ADAMTSL1: variants seen among roughly 807,000 people sequenced by gnomAD.
ADAMTSL1 encodes ADAMTS like 1, also known as ADAMTS-like protein 1.
ADAMTSL1 carries 126 observed loss-of-function variants against 201.8 expected under a neutral mutation model. The ratio of observed to expected loss-of-function variants is 0.62; its 90% CI spans 0.54 to 0.72. ADAMTSL1 has a LOEUF of 0.72. ADAMTSL1 is among the 30% of genes least tolerant of loss of function. The pLI is 0.00. For synonymous variants in ADAMTSL1, 1,121 were observed against 903.4 expected (o/e 1.24, Z -4.32); for missense variants, 2,679 against 2,277.8 (o/e 1.18, Z -3.59).
intron 13 of ADAMTSL1, among the ~76,000 whole-genome samples, chr9:18,692,840 G>C (rs1367855295): frequency 6.6e-6 from 1 of 152,164 alleles, no homozygotes; most frequent in Non-Finnish European, 1.5e-5. Flanking sequence ...TGGCATCTGA[G>C]TCCCTGGGAT....
intron 2 of ADAMTSL1, among the ~76,000 whole-genome samples, chr9:18,290,768 G>T (rs1833218385): frequency 8.4e-6 from 1 of 118,398 alleles, no homozygotes; most frequent in African/African-American, 3.2e-5. Flanking sequence ...TTGAAAGCTG[G>T]CTTTTTTTGT....
chr9:18,269,283 T>G (rs1832262051), intron 2 of ADAMTSL1, among the ~76,000 whole-genome samples: 1 of 152,168 alleles, frequency 6.6e-6, no homozygotes, highest in Non-Finnish European at 1.5e-5. Context: ...AATTTACTTT[T>G]GAATTGCCCA....
At chr9:18,154,361 G>C (rs374777602) in intron 1 of ADAMTSL1, among the ~76,000 whole-genome samples, 5 of 152,158 alleles carry the variant, frequency 3.3e-5, no homozygotes, top group African/African-American at 9.6e-5. Flanking sequence ...ACTCTTTGGA[G>C]AGCTTAGCTG....
At chr9:18,146,084 T>A (rs576886331) in intron 1 of ADAMTSL1, among the ~76,000 whole-genome samples, 6 of 152,142 alleles carry the variant, frequency 3.9e-5, no homozygotes, top group Non-Finnish European at 8.8e-5. Context: ...CAATATTAAT[T>A]GTTGAGAAGG....
intron 13 of ADAMTSL1, among the ~76,000 whole-genome samples, chr9:18,692,906 G>A (rs1240513151): frequency 6.6e-6 from 1 of 152,090 alleles, no homozygotes; most frequent in East Asian, 1.9e-4. Context: ...ATCATTTTCT[G>A]TTCATTTAGA....
chr9:18,139,366 G>A (rs1360412), intron 1 of ADAMTSL1, among the ~76,000 whole-genome samples: 59,743 of 151,972 alleles, frequency 0.39, 12,877 homozygotes, highest in South Asian at 0.48. Flanking sequence ...GACATTACTT[G>A]TCAGCAGATT....
intron 10 of ADAMTSL1, among the ~76,000 whole-genome samples, chr9:18,677,556 G>A (rs1007777509): frequency 3.9e-5 from 6 of 151,906 alleles, no homozygotes; most frequent in Admixed American, 2.6e-4. Context: ...AGTAAGCAAC[G>A]TCAAGTTTAT....
intron 5 of ADAMTSL1, among the ~76,000 whole-genome samples, chr9:18,629,692 C>A (rs76215496): frequency 8.6e-4 from 131 of 152,142 alleles, no homozygotes; most frequent in African/African-American, 3.1e-3. Context: ...ACTGGTCTGT[C>A]GTATTCTTTT....
At chr9:18,595,941 G>T (rs953521194) in intron 4 of ADAMTSL1, among the ~76,000 whole-genome samples, 1 of 152,162 alleles carries the variant, frequency 6.6e-6, no homozygotes, top group African/African-American at 2.4e-5. Context: ...GGCTTTCACA[G>T]ACTCCTATCT....
At chr9:18,418,640 T>C (rs73643275) in intron 2 of ADAMTSL1, among the ~76,000 whole-genome samples, 2,902 of 152,238 alleles carry the variant, frequency 0.019, 100 homozygotes, top group African/African-American at 0.067. Flanking sequence ...TAACAAAATA[T>C]GTATGGGATC....
intron 23 of ADAMTSL1, among the ~76,000 whole-genome samples, chr9:18,874,273 A>G (rs1377500794): frequency 6.6e-6 from 1 of 151,994 alleles, no homozygotes; most frequent in East Asian, 1.9e-4. Context: ...ACCGATTTGG[A>G]TGCGCTTTCT....
At chr9:18,107,179 T>A (rs550182609) in intron 1 of ADAMTSL1, among the ~76,000 whole-genome samples, 2 of 152,324 alleles carry the variant, frequency 1.3e-5, no homozygotes, top group South Asian at 4.1e-4. Flanking sequence ...ATTAGATATT[T>A]GTAAGTTACT....
chr9:18,431,241 G>T (rs538995725), intron 2 of ADAMTSL1, among the ~76,000 whole-genome samples: 1 of 152,304 alleles, frequency 6.6e-6, no homozygotes, highest in South Asian at 2.1e-4. Context: ...TTGAGATGTT[G>T]AATTCATATG....
intron 1 of ADAMTSL1, among the ~76,000 whole-genome samples, chr9:18,089,342 G>A (rs1307379615): frequency 7.2e-5 from 11 of 151,812 alleles, no homozygotes; most frequent in African/African-American, 2.4e-4. Context: ...GGGAACCATC[G>A]TTCTCAGCAA....
chr9:18,862,134 A>T (rs905208406), intron 23 of ADAMTSL1, among the ~76,000 whole-genome samples: 4 of 152,170 alleles, frequency 2.6e-5, no homozygotes, highest in South Asian at 2.1e-4. Context: ...CGTGCTAGGA[A>T]TATTAGCCAT....
chr9:18,608,872 G>T (rs560636319), intron 4 of ADAMTSL1, among the ~76,000 whole-genome samples: 21 of 152,082 alleles, frequency 1.4e-4, no homozygotes, highest in African/African-American at 4.3e-4. Flanking sequence ...CTTTTAAAAA[G>T]ATCGTAACTG....
chr9:18,052,609 G>A (rs1008903197), intron 1 of ADAMTSL1, among the ~76,000 whole-genome samples: 1 of 152,194 alleles, frequency 6.6e-6, no homozygotes, highest in Non-Finnish European at 1.5e-5. Context: ...CAGTTGAAAT[G>A]TGAGGCCAAT....
At position 18,147,205 on chromosome 9, in the gene ADAMTSL1, G is replaced by C. The variant is rs190779058; in HGVS notation, c.88-16657G>C. Among the ~76,000 whole-genome samples the C allele has an allele frequency of 7.0e-4, 107 of 152,168 alleles. No individual in the cohort carries two copies. In the Middle Eastern group the frequency reaches 0.014, roughly 19 times the overall value. The stretch of plus-strand genomic sequence containing the variant: ...TAAATAATAATACTGAATTCATTTT[G>C]CTGATTTGTGAGGATTTGATTCTAG... On this transcript the variant is annotated intron_variant, in intron 1 of 29. Coordinates refer to the ADAMTSL1 transcript ENST00000680146.
intron 16 of ADAMTSL1, among the ~76,000 whole-genome samples, chr9:18,755,940 G>A (rs2133626318): frequency 6.6e-6 from 1 of 151,366 alleles, no homozygotes; most frequent in South Asian, 2.1e-4. Context: ...CAATAATTGT[G>A]AAAAATAGTC....
Sources: allele counts gnomAD v4.1 joint callset (sites outside exome capture counted in the v4.1 genomes callset), GRCh38; gene constraint gnomAD v4.1.1; transcripts MANE v1.5; gene names NCBI Gene and HGNC (gene_info 2026-07-23, HGNC 2026-07-21).